Variants in MBD6 observed in about 807,000 individuals in gnomAD.
MBD6 encodes the protein methyl-CpG binding domain protein 6, also known as methyl-CpG-binding domain protein 6.
A neutral mutation model predicts 66.8 loss-of-function variants in MBD6; 22 were observed. The ratio of observed to expected loss-of-function variants is 0.33; its 90% CI spans 0.24 to 0.47. MBD6 has a LOEUF of 0.47. Among genes scored for constraint, MBD6 ranks in the 20% least tolerant of loss-of-function variants. The pLI is 1.00. For synonymous variants in MBD6, 540 were observed against 534.6 expected, an observed-to-expected ratio of 1.01 and a Z score of -0.14; for missense variants, 1,322 against 1,286.9, an observed-to-expected ratio of 1.03 and a Z score of -0.42.
chr12:57,528,365 C>G lies in MBD6; in HGVS notation c.2625C>G (p.Ala875=). The G allele has an allele frequency of 6.2e-7, 1 of 1,612,448 alleles. No homozygotes were observed. Among genetic ancestry groups the G allele is most frequent in the South Asian group, 1.1e-5 (1 of 91,036 alleles). ...LRGINGEARP[A]RGRKPGSRRE... ...GCATTAATGGTGAGGCCAGGCCAGC[C>G]CGGGGCCGAAAGCCTGGCAGCCGGC... The change falls in exon 10 of 13, where the codon GCC becomes GCG. Residue 875 remains alanine, a synonymous_variant. Coordinates refer to ENST00000355673, the MANE Select transcript of MBD6 (RefSeq NM_052897.4).
upstream of MBD6, chr12:57,520,733 T>C (rs1261600790): frequency 1.8e-5 from 3 of 167,088 alleles, no homozygotes; most frequent in Non-Finnish European, 3.8e-5. Flanking sequence ...TCACGAGGCT[T>C]CACGGAGGAG....
chr12:57,527,575 G>C lies in MBD6; in HGVS notation c.2151G>C (p.Pro717=), dbSNP rs138777973. 65 of 1,613,768 alleles carry C rather than the reference G, an allele frequency of 4.0e-5. No homozygotes were observed. The highest frequency in any genetic ancestry group is 1.6e-4 in the Middle Eastern group (1 of 6,078). The part of the protein sequence containing the change: ...TSSVTTATTD[P]GASSLGKAPS... ...GTGTCACCACGGCAACTACTGACCC[G>C]GGGGCCTCCTCTCTGGGCAAGGCCC... The change falls in exon 8 of 13, where the codon CCG becomes CCC. Residue 717 remains proline, a synonymous_variant. Transcript: ENST00000355673.
rs777308152 is a variant in MBD6, at chr12:57,529,181, C to T, written c.2959C>T (p.Arg987Trp). 14 of 1,613,962 alleles carry T rather than the reference C, an allele frequency of 8.7e-6. No homozygotes were observed. Among genetic ancestry groups the T allele is most frequent in the East Asian group, 2.2e-5 (1 of 44,890 alleles). The change falls in exon 13 of 13, where the codon CGG (arginine) becomes TGG (tryptophan). Residue 987 changes from arginine (R) to tryptophan (W), a missense_variant. Physicochemically the swap from Arg to Trp is moderately radical, Grantham distance 101. Coordinates refer to ENST00000355673, the MANE Select transcript of MBD6 (RefSeq NM_052897.4). ...TARAAVPLPP[R>W]ARPGRPAKNK... is the part of the protein sequence containing the mutation. ...TTAGGCAGCTGTCCCTCTGCCTCCC[C>T]GGGCCCGCCCTGGCCGTCCTGCCAA...
intron 1 of MBD6, chr12:57,523,277 A>T (rs1878560096): frequency 6.6e-6 from 1 of 151,292 alleles, no homozygotes; most frequent in Non-Finnish European, 1.5e-5. Flanking sequence ...TGAGGGAAGC[A>T]GTCTGGGTGA....
In MBD6 at chr12:57,529,178, C is replaced by G. The variant is rs776758842; in HGVS notation, c.2956C>G (p.Pro986Ala). The G allele has an allele frequency of 3.7e-6, 6 of 1,614,002 alleles. No homozygotes were observed. Among genetic ancestry groups the G allele is most frequent in the Non-Finnish European group, 5.1e-6 (6 of 1,180,008 alleles). The change falls in exon 13 of 13, where the codon CCC becomes GCC. Residue 986 changes from proline (P) to alanine (A), a missense_variant. Pro to Ala is a conservative substitution (Grantham distance 27). Coordinates refer to ENST00000355673, the MANE Select transcript of MBD6 (RefSeq NM_052897.4). The stretch of plus-strand genomic sequence containing the variant: ...ATATTAGGCAGCTGTCCCTCTGCCT[C>G]CCCGGGCCCGCCCTGGCCGTCCTGC... ...PTARAAVPLP[P>A]RARPGRPAKN...
downstream of MBD6, chr12:57,530,166 A>G (rs1325669621): frequency 6.6e-6 from 1 of 152,472 alleles, no homozygotes; most frequent in Non-Finnish European, 1.5e-5. Context: ...CTCTGTACTC[A>G]TTTTTTATTT....
rs753788958 is a variant in MBD6, at chr12:57,526,933, G to A, written c.1788G>A (p.Ser596=). The A allele has an allele frequency of 9.3e-6, 15 of 1,613,446 alleles. No individual in the cohort carries two copies. The highest frequency in any genetic ancestry group is 4.5e-5 in the East Asian group (2 of 44,886). ...CCCCAGGAGAGCCTGAAGGGCCTTCGCTTTTGGTGGCTTCCTTGCTTCCTC... is the reference window on the plus strand; with the variant it reads ...CCCCAGGAGAGCCTGAAGGGCCTTCACTTTTGGTGGCTTCCTTGCTTCCTC... ...PLAPGEPEGP[S]LLVASLLPPP... The change falls in exon 7 of 13, where the codon TCG becomes TCA. Residue 596 remains serine (S), a synonymous_variant. Transcript: ENST00000355673.
upstream of MBD6, chr12:57,521,906 C>G (rs920330270): frequency 1.3e-5 from 2 of 152,148 alleles, no homozygotes; most frequent in Non-Finnish European, 2.9e-5. Flanking sequence ...GACTCAACTC[C>G]CCATCACTTG....
Position 57,529,660 on chromosome 12 carries a change from C to T in MBD6, c.*426C>T, listed in dbSNP as rs566389519. 5.5e-6 allele frequency: 1 copy of T among 182,038 alleles called. No individual in the cohort carries two copies. The highest frequency in any genetic ancestry group is 1.4e-4 in the East Asian group (1 of 7,398). The allele number at this position is 182,038 out of a possible 1,614,324, so 11.3% of individuals were successfully genotyped here. A position where few individuals can be genotyped will look rare whatever the true frequency, so the allele number is the denominator to read the frequency against. ...GTGAGCTACTGTTGGCTGCTGCCCT[C>T]CTTCCCAGTGAAAGGTACAAAGCAA... On this transcript the variant is annotated 3_prime_UTR_variant, in exon 13 of 13. Transcript: ENST00000355673.
intron 7 of MBD6, 73 bp from the exon 8 acceptor site, chr12:57,527,434 G>A: frequency 5.2e-6 from 8 of 1,541,258 alleles, no homozygotes; most frequent in Non-Finnish European, 7.2e-6. Context: ...CAGTCAGATA[G>A]TGGATGTGAA....
downstream of MBD6, chr12:57,530,501 C>A: frequency 1.9e-6 from 1 of 515,420 alleles, no homozygotes; most frequent in Non-Finnish European, 3.4e-6. Flanking sequence ...TGATGATAAC[C>A]AACCCCTAGC....
downstream of MBD6, among the ~76,000 whole-genome samples, chr12:57,531,336 A>G (rs550408414): frequency 2.0e-5 from 3 of 151,970 alleles, no homozygotes; most frequent in Non-Finnish European, 2.9e-5. Context: ...CACCCTGGAC[A>G]ACATGGTGAA....
chr12:57,528,299 G>T lies in MBD6; in HGVS notation c.2559G>T (p.Gly853=). ...PPVPELLTGR[G]SGKRGRRGGG... is the part of the protein sequence containing the mutation. Reference sequence around the variant, plus strand: ...TCCCTGAGCTGCTCACTGGGAGGGGGTCAGGGAAACGGGGCCGGAGGGGAG... The same window carrying T: ...TCCCTGAGCTGCTCACTGGGAGGGGTTCAGGGAAACGGGGCCGGAGGGGAG... The change falls in exon 10 of 13, where the codon GGG becomes GGT. Residue 853 remains glycine, a synonymous_variant. Transcript: ENST00000355673. 1.9e-6 allele frequency: 3 copies of T among 1,606,510 alleles called. No individual in the cohort carries two copies. The highest frequency in any genetic ancestry group is 2.6e-6 in the Non-Finnish European group (3 of 1,176,018).
chr12:57,528,110 T>C (rs1165177844), intron 9 of MBD6, 37 bp from the exon 10 acceptor site: 2 of 1,553,930 alleles, frequency 1.3e-6, no homozygotes, highest in African/African-American at 1.4e-5. Flanking sequence ...AGGGACGGTA[T>C]TTGAGATTGA....
Position 57,528,304 on chromosome 12 carries a change from G to A in MBD6, c.2564G>A (p.Gly855Glu). 1 of 1,606,666 alleles carries A rather than the reference G, an allele frequency of 6.2e-7. No individual in the cohort carries two copies. Among genetic ancestry groups the A allele is most frequent in the Middle Eastern group, 1.7e-4 (1 of 5,916 alleles). ...VPELLTGRGSGKRGRRGGGGL... is the reference protein window; with the variant it reads ...VPELLTGRGSEKRGRRGGGGL... ...GAGCTGCTCACTGGGAGGGGGTCAG[G>A]GAAACGGGGCCGGAGGGGAGGAGGG... The change falls in exon 10 of 13, where the codon GGG (glycine) becomes GAG (glutamate). Residue 855 changes from glycine (G) to glutamate (E), a missense_variant. Gly to Glu is a moderately conservative substitution (Grantham distance 98). Transcript: ENST00000355673.
chr12:57,529,117 C>G lies in MBD6; in HGVS notation c.2938-43C>G, dbSNP rs1326622477. On this transcript the variant is annotated intron_variant, in intron 12 of 12. Transcript: ENST00000355673. ...GGGGAGAAAAGAAGACTTCCTGATACCTAGCAATTGACCACTTCTATCAAC... is the reference window on the plus strand; with the variant it reads ...GGGGAGAAAAGAAGACTTCCTGATAGCTAGCAATTGACCACTTCTATCAAC... 4 of 1,613,106 alleles carry G rather than the reference C, an allele frequency of 2.5e-6. No homozygotes were observed. In the African/African-American group the frequency reaches 5.3e-5, roughly 22 times the overall value.
chr12:57,522,759 A>ACGG (rs765011540), upstream of MBD6: 140 of 155,214 alleles, frequency 9.0e-4, no homozygotes, highest in South Asian at 1.4e-3. Context: ...TGCGGCAGCG[A>ACGG]CGGCGGCGGC....
chr12:57,526,488 T>C, intron 6 of MBD6, 78 bp from the exon 7 acceptor site: 2 of 1,511,668 alleles, frequency 1.3e-6, no homozygotes, highest in Non-Finnish European at 1.8e-6. Context: ...TTTTCTGGGT[T>C]GGGGGCAGGG....
rs769529102 is a variant in MBD6 at position 57,527,205 on chromosome 12, C to T, written c.2060C>T (p.Pro687Leu). 1.3e-6 allele frequency: 2 copies of T among 1,511,944 alleles called. No individual in the cohort carries two copies. Among genetic ancestry groups the T allele is most frequent in the Non-Finnish European group, 8.8e-7 (1 of 1,131,258 alleles). The allele number at this position is 1,511,944 out of a possible 1,614,324, so 93.7% of individuals were successfully genotyped here. The change falls in exon 7 of 13, where the codon CCC (proline) becomes CTC (leucine). Residue 687 changes from proline to leucine, a missense_variant. By Grantham distance (98) the Pro-to-Leu change is moderately conservative (BLOSUM62 -3). Coordinates refer to ENST00000355673, the MANE Select transcript of MBD6 (RefSeq NM_052897.4). ...NSALLAATLD[P>L]PSGTPPQPCV... ...GCGCTGCTGGCTGCCACCCTGGATC[C>T]CCCCTCGGGGACACCCCCCCAGGTG...
Sources: allele counts gnomAD v4.1 joint callset (sites outside exome capture counted in the v4.1 genomes callset), GRCh38; gene constraint gnomAD v4.1.1; transcripts MANE v1.5; gene names NCBI Gene and HGNC (gene_info 2026-07-23, HGNC 2026-07-21).